GRIK2: variants seen among roughly 807,000 people sequenced by gnomAD.
The protein encoded by GRIK2 is glutamate receptor ionotropic, kainate 2.
Under a neutral mutation model 100.3 loss-of-function variants are expected in GRIK2, and 32 were observed. The ratio of observed to expected loss-of-function variants is 0.32; its 90% confidence interval spans 0.24 to 0.43. GRIK2 has a LOEUF of 0.43. Among genes scored for constraint, GRIK2 ranks in the 20% least tolerant of loss-of-function variants. The pLI, the probability that GRIK2 is intolerant of heterozygous loss-of-function variation, is 1.00. For synonymous variants in GRIK2, 417 were observed against 389.4 expected (o/e 1.07, Z -0.83); for missense variants, 843 against 1,114.9 (o/e 0.76, Z 3.47).
intron 2 of GRIK2, among the ~76,000 whole-genome samples, chr6:101,559,260 T>C (rs996763465): frequency 2.6e-5 from 4 of 152,146 alleles, no homozygotes; most frequent in Non-Finnish European, 4.4e-5. Context: ...GTGTATTTAA[T>C]AAGTTATAGT....
At position 101,930,113 on chromosome 6, in the gene GRIK2, G is replaced by A. The variant is rs185111874; in HGVS notation, c.2085+1481G>A. Among the ~76,000 whole-genome samples, 96 of 152,162 alleles carry A rather than the reference G, an allele frequency of 6.3e-4. 1 individual carries two copies. Among genetic ancestry groups the A allele is most frequent in the Admixed American group, 2.0e-3 (31 of 15,274 alleles). On this transcript the variant is annotated intron_variant, in intron 14 of 16. Coordinates refer to ENST00000369134, the MANE Select transcript of GRIK2 (RefSeq NM_021956.5). ...TCTCAGCACTCTGGGAGGCCAAGGT[G>A]GGTGGATCACTTGATCCCAGGAGGT...
At chr6:101,518,124 T>C (rs978787951) in intron 2 of GRIK2, among the ~76,000 whole-genome samples, 19 of 152,146 alleles carry the variant, frequency 1.2e-4, no homozygotes, top group African/African-American at 4.6e-4. Flanking sequence ...GTTATTAAAA[T>C]TGTAAGATGG....
intron 7 of GRIK2, among the ~76,000 whole-genome samples, chr6:101,760,695 T>TATATATTTAATTATAGTTA (rs1491238763): frequency 1.2e-5 from 1 of 80,014 alleles, no homozygotes; most frequent in Non-Finnish European, 2.1e-5. Context: ...TATATATAAT[T>TATATATTTAATTATAGTTA]ATATATAATT....
intron 2 of GRIK2, among the ~76,000 whole-genome samples, chr6:101,405,458 G>GAA (rs1389770587): frequency 6.6e-6 from 1 of 151,774 alleles, no homozygotes; most frequent in Non-Finnish European, 1.5e-5. Context: ...TTCTATAACT[G>GAA]AAAGAAAATT....
At chr6:101,749,437 T>A (rs1369001473) in intron 7 of GRIK2, among the ~76,000 whole-genome samples, 2 of 152,074 alleles carry the variant, frequency 1.3e-5, no homozygotes, top group African/African-American at 4.8e-5. Context: ...AAGCAGAATT[T>A]AAAGCTGAAA....
intron 14 of GRIK2, among the ~76,000 whole-genome samples, chr6:102,026,472 C>T (rs1321077678): frequency 2.7e-5 from 4 of 150,630 alleles, no homozygotes; most frequent in African/African-American, 9.7e-5. Flanking sequence ...TTCTTGATGG[C>T]TATTATTTAT....
chr6:101,616,165 A>G (rs1178816446), intron 2 of GRIK2, among the ~76,000 whole-genome samples: 5 of 151,684 alleles, frequency 3.3e-5, no homozygotes, highest in Non-Finnish European at 5.9e-5. Context: ...CCCTCTGCAT[A>G]TAAATATGTT....
chr6:101,551,267 C>A (rs889498962), intron 2 of GRIK2, among the ~76,000 whole-genome samples: 5 of 152,100 alleles, frequency 3.3e-5, no homozygotes, highest in African/African-American at 1.2e-4. Flanking sequence ...CTTCGTATAG[C>A]ACTTGCAAAC....
At chr6:101,459,369 T>G (rs989327449) in intron 2 of GRIK2, among the ~76,000 whole-genome samples, 1 of 152,228 alleles carries the variant, frequency 6.6e-6, no homozygotes, top group African/African-American at 2.4e-5. Flanking sequence ...CCATTTAGTC[T>G]TCCATTTATA....
intron 14 of GRIK2, among the ~76,000 whole-genome samples, chr6:101,930,508 T>A (rs1790201190): frequency 6.6e-6 from 1 of 152,078 alleles, no homozygotes; most frequent in Admixed American, 6.6e-5. Context: ...ATACAACCTA[T>A]TGTACCTAAC....
At chr6:101,564,578 C>A (rs548396062) in intron 2 of GRIK2, among the ~76,000 whole-genome samples, 1 of 152,232 alleles carries the variant, frequency 6.6e-6, no homozygotes, top group Non-Finnish European at 1.5e-5. Flanking sequence ...TTTCAAATGT[C>A]TACTTGCCTT....
intron 2 of GRIK2, among the ~76,000 whole-genome samples, chr6:101,488,945 A>C (rs1164354615): frequency 1.4e-5 from 2 of 146,438 alleles, no homozygotes; most frequent in Non-Finnish European, 3.0e-5. Context: ...GAGAAGCGGC[A>C]TAGTGTTTTC....
intron 2 of GRIK2, among the ~76,000 whole-genome samples, chr6:101,486,665 C>A (rs1730600033): frequency 1.3e-5 from 2 of 150,814 alleles, no homozygotes; most frequent in African/African-American, 4.9e-5. Context: ...TTTATCAAAT[C>A]TGTTTCCACT....
chr6:101,652,705 G>A lies in GRIK2; in HGVS notation c.542-23918G>A, dbSNP rs572009683. Among the ~76,000 whole-genome samples the A allele has an allele frequency of 3.9e-5, 6 of 152,252 alleles. No homozygotes were observed. In the South Asian group the frequency reaches 1.0e-3, roughly 26 times the overall value. ...GAGAGAAGGAAGACTTAATAATGCAGTATTGAGAGAATTGTGACCAACTGT... is the reference window on the plus strand; with the variant it reads ...GAGAGAAGGAAGACTTAATAATGCAATATTGAGAGAATTGTGACCAACTGT... On this transcript the variant is annotated intron_variant, in intron 4 of 16. Coordinates refer to ENST00000369134, the MANE Select transcript of GRIK2 (RefSeq NM_021956.5).
At chr6:101,562,276 T>C (rs574480175) in intron 2 of GRIK2, among the ~76,000 whole-genome samples, 2 of 152,254 alleles carry the variant, frequency 1.3e-5, no homozygotes, top group Admixed American at 1.3e-4. Flanking sequence ...CATGGTGGCT[T>C]ATTCTCCAGG....
At chr6:101,408,689 C>T (rs537504821) in intron 2 of GRIK2, among the ~76,000 whole-genome samples, 4 of 152,126 alleles carry the variant, frequency 2.6e-5, no homozygotes, top group Admixed American at 2.0e-4. Context: ...TTCAACTGAG[C>T]GGATGAAACC....
chr6:101,888,982 A>G (rs1786854308), intron 11 of GRIK2, among the ~76,000 whole-genome samples: 1 of 152,174 alleles, frequency 6.6e-6, no homozygotes, highest in African/African-American at 2.4e-5. Flanking sequence ...AAAATTAGCA[A>G]CTTTGTGAAA....
At chr6:101,742,045 A>G (rs888258104) in intron 7 of GRIK2, among the ~76,000 whole-genome samples, 2 of 152,264 alleles carry the variant, frequency 1.3e-5, no homozygotes, top group Admixed American at 6.5e-5. Context: ...TAGTGGTAAC[A>G]GCCTCTCTTT....
chr6:101,637,830 CTT>C (rs1781096438), intron 4 of GRIK2, among the ~76,000 whole-genome samples: 1 of 152,110 alleles, frequency 6.6e-6, no homozygotes, highest in Admixed American at 6.6e-5. Context: ...ATAGCTCTCT[CTT>C]ACCAAGCATG....
Sources: allele counts gnomAD v4.1 joint callset (sites outside exome capture counted in the v4.1 genomes callset), GRCh38; gene constraint gnomAD v4.1.1; transcripts MANE v1.5; gene names NCBI Gene and HGNC (gene_info 2026-07-23, HGNC 2026-07-21).